LTBP2: variants seen among roughly 807,000 people sequenced by gnomAD.
The protein encoded by LTBP2 is latent transforming growth factor beta binding protein 2.
LTBP2 carries 103 observed loss-of-function variants against 210.6 expected under a neutral mutation model. The observed-to-expected ratio is 0.49, with a 90% CI of 0.42 to 0.58. LTBP2 has a LOEUF of 0.58. LTBP2 is among the 20% of genes least tolerant of loss of function. The pLI, the probability that LTBP2 is intolerant of heterozygous loss-of-function variation, is 0.00. For missense variants in LTBP2, 2,313 were observed against 2,494.5 expected (o/e 0.93, Z 1.55); for synonymous variants, 1,007 against 1,015.0 (o/e 0.99, Z 0.15).
intron 28 of LTBP2, 98 bp from the exon 29 acceptor site, chr14:74,505,272 C>G (rs1338503227): frequency 7.3e-7 from 1 of 1,365,884 alleles, no homozygotes; most frequent in Non-Finnish European, 1.0e-6. Flanking sequence ...TTGTGTAGCA[C>G]TTTACAGTGG....
At chr14:74,590,634 C>G (rs2088269474) in intron 2 of LTBP2, among the ~76,000 whole-genome samples, 1 of 152,094 alleles carries the variant, frequency 6.6e-6, no homozygotes. Flanking sequence ...TATATATATA[C>G]ACCATGGAAT....
rs1259854389 is a variant in LTBP2 at position 74,500,555 on chromosome 14, G to A, written c.*329C>T. On this transcript the variant is annotated 3_prime_UTR_variant, in exon 36 of 36. Transcript: ENST00000261978. ...GGTGTCTGCAGTGTGAGGCCATGGG[G>A]CCTTGCATGCTCGCACAGCTTGGGA... is the stretch of plus-strand genomic sequence containing the variant. The A allele has an allele frequency of 1.0e-5, 5 of 479,494 alleles. No individual in the cohort carries two copies. The highest frequency in any genetic ancestry group is 1.9e-5 in the Non-Finnish European group (5 of 258,478). 29.7% of individuals were successfully genotyped at this position (479,494 alleles called of 1,614,324 possible).
In LTBP2 at chr14:74,502,767, C is replaced by T. The variant is rs139734678; in HGVS notation, c.5056G>A (p.Val1686Ile). Residue 1686 changes from valine to isoleucine, a missense_variant, in exon 34 of 36, where the codon GTC becomes ATC. By Grantham distance (29) the Val-to-Ile change is conservative. Transcript: ENST00000261978. Reference sequence around the variant, plus strand: ...GTGTTGGGGAAGGCAGGCTCAGGGACGGTGTCCTCGGGGCCCAGGTAGTTG... The same window carrying T: ...GTGTTGGGGAAGGCAGGCTCAGGGATGGTGTCCTCGGGGCCCAGGTAGTTG... ...FYNYLGPEDT[V>I]PEPAFPNTAG... The T allele has an allele frequency of 1.3e-4, 213 of 1,614,158 alleles. 1 individual carries two copies. The Middle Eastern group carries it at 1.5e-3, about 11-fold the overall frequency.
Position 74,588,283 on chromosome 14 carries a change from G to A in LTBP2, c.566-2165C>T, listed in dbSNP as rs143652449. Reference sequence around the variant, plus strand: ...TGTTGCCCAGGCTGGATGCAATGACGCGATCTCGGCTCACCACAAACTCCG... The same window carrying A: ...TGTTGCCCAGGCTGGATGCAATGACACGATCTCGGCTCACCACAAACTCCG... On this transcript the variant is annotated intron_variant, in intron 2 of 35. Transcript: ENST00000261978. 8.7e-4 allele frequency among the ~76,000 whole-genome samples: 133 copies of A among 152,228 alleles called. 1 individual carries two copies. Among genetic ancestry groups the A allele is most frequent in the African/African-American group, 3.1e-3 (128 of 41,540 alleles).
At chr14:74,580,914 C>G (rs2088127733) in intron 3 of LTBP2, among the ~76,000 whole-genome samples, 1 of 152,112 alleles carries the variant, frequency 6.6e-6, no homozygotes, top group South Asian at 2.1e-4. Flanking sequence ...AGCTGTGACA[C>G]TACACTCCAG....
intron 3 of LTBP2, among the ~76,000 whole-genome samples, chr14:74,561,869 G>T (rs186384813): frequency 1.1e-4 from 16 of 152,120 alleles, no homozygotes; most frequent in African/African-American, 3.9e-4. Context: ...GGGATAGATA[G>T]GATTTTAACA....
chr14:74,501,198 G>C (rs773355302), intron 35 of LTBP2, among the ~76,000 whole-genome samples, 169 bp from the exon 36 acceptor site: 2 of 152,206 alleles, frequency 1.3e-5, no homozygotes, highest in African/African-American at 4.8e-5. Context: ...ACAAAGCAGG[G>C]GGCAGCAAGC....
Position 74,585,859 on chromosome 14 carries a change from T to TGGTGGCGACTGTGGTGCG in LTBP2, c.807_824dup (p.Pro271_Ala276dup), listed in dbSNP as rs1418294917. 3.1e-6 allele frequency: 5 copies of TGGTGGCGACTGTGGTGCG among 1,612,806 alleles called. No individual in the cohort carries two copies. The highest frequency in any genetic ancestry group is 1.4e-5 in the African/African-American group (1 of 74,044). ...CCATGGAGAAGGGGACTTACCCAGCTGGTGGCGACTGTGGTGCGGGCGGCG... is the reference window on the plus strand; with the variant it reads ...CCATGGAGAAGGGGACTTACCCAGCTGGTGGCGACTGTGGTGCGGGTGGCGACTGTGGTGCGGGCGGCG... On this transcript the variant is annotated inframe_insertion, in exon 3 of 36. Coordinates refer to ENST00000261978, the MANE Select transcript of LTBP2 (RefSeq NM_000428.3).
At position 74,532,485 on chromosome 14, in the gene LTBP2, C is replaced by T; in HGVS notation, c.1928G>A (p.Ser643Asn). The T allele has an allele frequency of 2.5e-6, 4 of 1,614,228 alleles. No homozygotes were observed. The highest frequency in any genetic ancestry group is 3.4e-6 in the Non-Finnish European group (4 of 1,180,042). Residue 643 changes from serine (S) to asparagine (N), a missense_variant, in exon 10 of 36, where the codon AGC (serine) becomes AAC (asparagine). Ser to Asn is a conservative substitution (Grantham distance 46). Coordinates refer to ENST00000261978, the MANE Select transcript of LTBP2 (RefSeq NM_000428.3). ...KDAECVNTRG[S>N]YLCTCRPGLM... ...GCCAGGTCTGCATGTGCACAGGTAG[C>T]TGCCCCTGGTATTCACACACTCCGC...
intron 8 of LTBP2, among the ~76,000 whole-genome samples, chr14:74,549,212 T>C (rs142222198): frequency 6.9e-4 from 105 of 152,356 alleles, no homozygotes; most frequent in African/African-American, 2.4e-3. Context: ...CTCCTCCCAA[T>C]TGTGCAACTA....
chr14:74,557,838 G>A (rs892512804), intron 3 of LTBP2, among the ~76,000 whole-genome samples: 2 of 152,178 alleles, frequency 1.3e-5, no homozygotes, highest in African/African-American at 2.4e-5. Flanking sequence ...ACACCAGGAT[G>A]CCAACCCAGG....
intron 33 of LTBP2, 101 bp from the exon 34 acceptor site, chr14:74,503,035 G>A (rs747487954): frequency 6.5e-7 from 1 of 1,528,448 alleles, no homozygotes; most frequent in Non-Finnish European, 8.9e-7. Context: ...GTACCCTCTG[G>A]GAGATCCTGG....
At chr14:74,561,614 T>C (rs769652041) in intron 3 of LTBP2, among the ~76,000 whole-genome samples, 9 of 152,218 alleles carry the variant, frequency 5.9e-5, no homozygotes, top group Admixed American at 2.6e-4. Context: ...ATCATTTCAA[T>C]ATTTTTGAAA....
At chr14:74,552,676 TTC>T (rs1448784570) in intron 5 of LTBP2, among the ~76,000 whole-genome samples, 7 of 152,222 alleles carry the variant, frequency 4.6e-5, no homozygotes, top group African/African-American at 1.7e-4. Flanking sequence ...ACTCTGTCTC[TTC>T]TCTGTTGAGG....
At chr14:74,543,370 T>G in intron 8 of LTBP2, among the ~76,000 whole-genome samples, 1 of 78,488 alleles carries the variant, frequency 1.3e-5, no homozygotes, top group South Asian at 5.1e-4. Flanking sequence ...AGAGCGAGAC[T>G]CCGTCTCAAA....
chr14:74,529,233 T>TGGCCC, intron 10 of LTBP2, 111 bp from the exon 11 acceptor site: 1 of 1,286,734 alleles, frequency 7.8e-7, no homozygotes, highest in Non-Finnish European at 1.1e-6. Context: ...CAGACTGGCC[T>TGGCCC]GGCCCATATC....
Position 74,611,590 on chromosome 14 carries a change from C to G in LTBP2, c.355G>C (p.Ala119Pro). 1 of 1,575,314 alleles carries G rather than the reference C, an allele frequency of 6.3e-7. No individual in the cohort carries two copies. The highest frequency in any genetic ancestry group is 8.6e-7 in the Non-Finnish European group (1 of 1,167,018). The stretch of plus-strand genomic sequence containing the variant: ...AGGGGAGTGCTTCTCCGGGTCTGCG[C>G]AGGTGGCTGGACACGCCGCGACTGC... ...AQQSRRVQPP[A>P]QTRRSTPLGQ... is the part of the protein sequence containing the mutation. The change falls in exon 1 of 36, where the codon GCG becomes CCG. Residue 119 changes from alanine to proline, a missense_variant. By Grantham distance (27) the Ala-to-Pro change is conservative. Coordinates refer to ENST00000261978, the MANE Select transcript of LTBP2 (RefSeq NM_000428.3).
chr14:74,573,964 G>A (rs1253583987), intron 3 of LTBP2, among the ~76,000 whole-genome samples: 1 of 152,142 alleles, frequency 6.6e-6, no homozygotes, highest in Admixed American at 6.5e-5. Context: ...GTGGAACCGG[G>A]ATCTGTCTGA....
chr14:74,549,828 C>G, intron 8 of LTBP2, 35 bp downstream of exon 8: 2 of 1,561,776 alleles, frequency 1.3e-6, no homozygotes, highest in Non-Finnish European at 1.8e-6. Context: ...GGAGAGCTTC[C>G]TCCACAACAC....
Sources: gnomAD v4.1 joint callset for allele counts (sites outside exome capture counted in the v4.1 genomes callset) on GRCh38, gnomAD v4.1.1 for gene constraint, MANE v1.5 for transcripts, NCBI Gene and HGNC (gene_info 2026-07-23, HGNC 2026-07-21) for gene names.